PKHD1: variants seen among roughly 807,000 people sequenced by gnomAD.
PKHD1 encodes fibrocystin.
In PKHD1, 291 loss-of-function variants were observed where a neutral mutation model predicts 412.0. That is an observed-to-expected ratio of 0.71 (90% CI 0.64 to 0.78). The LOEUF is 0.78. Ranked by LOEUF, PKHD1 falls within the 30% of genes least tolerant of loss-of-function variation. The pLI, the probability that PKHD1 is intolerant of heterozygous loss-of-function variation, is 0.00. For synonymous variants in PKHD1, 1,777 were observed against 1,821.5 expected, an observed-to-expected ratio of 0.98 and a Z score of 0.62; for missense variants, 4,825 against 4,950.7, an observed-to-expected ratio of 0.97 and a Z score of 0.76.
chr6:51,620,094 C>T (rs1766418090), intron 66 of PKHD1, among the ~76,000 whole-genome samples: 1 of 152,110 alleles, frequency 6.6e-6, no homozygotes, highest in South Asian at 2.1e-4. Flanking sequence ...CAAAATTAGG[C>T]CCAAGTTCCC....
intron 43 of PKHD1, among the ~76,000 whole-genome samples, chr6:51,902,909 T>A (rs1263923604): frequency 6.6e-6 from 1 of 152,238 alleles, no homozygotes; most frequent in Non-Finnish European, 1.5e-5. Context: ...CCTCCTGGAA[T>A]CTGACATGAC....
intron 54 of PKHD1, 149 bp from the exon 55 acceptor site, chr6:51,772,938 A>T: frequency 1.5e-6 from 1 of 653,314 alleles, no homozygotes. Flanking sequence ...GCATTATTTA[A>T]ATGCTCTATT....
intron 35 of PKHD1, among the ~76,000 whole-genome samples, chr6:51,982,183 G>T (rs1360219815): frequency 2.1e-4 from 9 of 42,294 alleles, no homozygotes; most frequent in Middle Eastern, 5.7e-3. Context: ...CCGGGAGGGA[G>T]GTGGGGGGGT....
Position 52,046,115 on chromosome 6 carries a change from C to T in PKHD1, c.2481G>A (p.Arg827=), listed in dbSNP as rs1805773357. ...CAGTGAAGTCACTGGCATTGAGGTACCTGGATGTGAAGTCATCGGCATTAT... is the reference window on the plus strand; with the variant it reads ...CAGTGAAGTCACTGGCATTGAGGTATCTGGATGTGAAGTCATCGGCATTAT... ...LQNNADDFTS[R]YLNASDFTVK... The change falls in exon 24 of 67, where the codon AGG becomes AGA. Residue 827 remains arginine (R), a synonymous_variant. Transcript: ENST00000371117. 2 of 1,613,464 alleles carry T rather than the reference C, an allele frequency of 1.2e-6. No individual in the cohort carries two copies. Among genetic ancestry groups the T allele is most frequent in the Middle Eastern group, 1.7e-4 (1 of 6,060 alleles).
intron 60 of PKHD1, among the ~76,000 whole-genome samples, chr6:51,706,060 AT>A (rs899358745): frequency 6.6e-6 from 1 of 152,172 alleles, no homozygotes; most frequent in African/African-American, 2.4e-5. Flanking sequence ...TATGGAGATC[AT>A]TTGTAATTTT....
chr6:51,854,427 C>T (rs1000134004), intron 49 of PKHD1, among the ~76,000 whole-genome samples: 2 of 152,066 alleles, frequency 1.3e-5, no homozygotes, highest in African/African-American at 4.8e-5. Context: ...GAGCAGGACC[C>T]GTTCAACAAA....
chr6:51,920,773 G>A (rs1417879591), intron 37 of PKHD1, among the ~76,000 whole-genome samples: 1 of 152,100 alleles, frequency 6.6e-6, no homozygotes, highest in Admixed American at 6.5e-5. Context: ...TGGTTGGTAA[G>A]CTATTAATTA....
intron 52 of PKHD1, among the ~76,000 whole-genome samples, chr6:51,827,234 C>G (rs1273462434): frequency 6.6e-6 from 1 of 151,978 alleles, no homozygotes; most frequent in Admixed American, 6.6e-5. Flanking sequence ...CAAAGTGTTG[C>G]TAATACCAGA....
intron 32 of PKHD1, among the ~76,000 whole-genome samples, chr6:52,024,052 A>C (rs1179627892): frequency 6.6e-6 from 1 of 152,228 alleles, no homozygotes; most frequent in African/African-American, 2.4e-5. Flanking sequence ...TCTTCACTGG[A>C]GGGAAAGGCT....
intron 57 of PKHD1, among the ~76,000 whole-genome samples, chr6:51,752,022 A>G (rs1786192309): frequency 1.3e-5 from 2 of 152,166 alleles, no homozygotes; most frequent in Non-Finnish European, 2.9e-5. Flanking sequence ...CTTGGTGCTC[A>G]GCTGTAAGAA....
rs754173859 is a variant in PKHD1 at position 52,066,028 on chromosome 6, G to A, written c.828C>T (p.Asn276=). The part of the protein sequence containing the change: ...PETGSLGGRT[N]ITITGDFFDN... ...CAAAAAAGTCTCCTGTAATTGTGAT[G>A]TTTGTTCTTCCCCCAAGGCTCCCAG... The change falls in exon 12 of 67, where the codon AAC becomes AAT. Residue 276 remains asparagine (N), a synonymous_variant. Transcript: ENST00000371117. The A allele has an allele frequency of 4.4e-6, 7 of 1,602,500 alleles. No individual in the cohort carries two copies. In the South Asian group the frequency reaches 6.6e-5, roughly 15 times the overall value.
intron 40 of PKHD1, among the ~76,000 whole-genome samples, chr6:51,908,700 G>C (rs1050404148): frequency 6.6e-6 from 1 of 152,024 alleles, no homozygotes; most frequent in African/African-American, 2.4e-5. Context: ...GATGTTTCCT[G>C]CTCCCTTCTT....
Position 51,912,459 on chromosome 6 carries a change from CTGA to C in PKHD1, c.6236_6238del (p.Ile2079del). ...TTTGGCACCTTTAACACCTGTTCCA[CTGA>C]TGATGACAACTTCATCCCCAGGGTT... On this transcript the variant is annotated inframe_deletion, in exon 38 of 67. Transcript: ENST00000371117. The C allele has an allele frequency of 6.2e-7, 1 of 1,612,864 alleles. No homozygotes were observed. The highest frequency in any genetic ancestry group is 2.2e-5 in the East Asian group (1 of 44,870).
intron 37 of PKHD1, among the ~76,000 whole-genome samples, chr6:51,933,750 G>T (rs1314858449): frequency 1.3e-5 from 2 of 152,136 alleles, no homozygotes; most frequent in African/African-American, 4.8e-5. Context: ...CCTTCACTTG[G>T]CCATGCAGTC....
intron 37 of PKHD1, 79 bp downstream of exon 37, chr6:51,934,031 G>A (rs932569520): frequency 5.4e-6 from 6 of 1,119,624 alleles, no homozygotes; most frequent in Non-Finnish European, 8.2e-6. Flanking sequence ...CTATAGTCAA[G>A]GACTTTTAAA....
intron 35 of PKHD1, among the ~76,000 whole-genome samples, chr6:52,001,188 T>A (rs1336717402): frequency 1.3e-5 from 2 of 152,230 alleles, no homozygotes; most frequent in Admixed American, 1.3e-4. Context: ...GGTAACAGTT[T>A]ATTTCATATT....
At chr6:51,978,690 G>A (rs1414446133) in intron 35 of PKHD1, among the ~76,000 whole-genome samples, 1 of 152,168 alleles carries the variant, frequency 6.6e-6, no homozygotes, top group South Asian at 2.1e-4. Context: ...AATACAAGTA[G>A]GGATCAGCCC....
At chr6:52,082,231 A>C (rs962695996) in intron 4 of PKHD1, among the ~76,000 whole-genome samples, 161 bp downstream of exon 4, 1 of 152,230 alleles carries the variant, frequency 6.6e-6, no homozygotes, top group African/African-American at 2.4e-5. Flanking sequence ...TAGACCCCAG[A>C]TAGGGACCTT....
intron 52 of PKHD1, among the ~76,000 whole-genome samples, chr6:51,821,014 C>T (rs1485553688): frequency 6.6e-6 from 1 of 152,124 alleles, no homozygotes; most frequent in Non-Finnish European, 1.5e-5. Context: ...TTAAAAACTC[C>T]CACGGGCAGC....
Sources: gnomAD v4.1 joint callset for allele counts (sites outside exome capture counted in the v4.1 genomes callset) on GRCh38, gnomAD v4.1.1 for gene constraint, MANE v1.5 for transcripts, NCBI Gene and HGNC (gene_info 2026-07-23, HGNC 2026-07-21) for gene names.